IQGAP2: variants seen among roughly 807,000 people sequenced by gnomAD.
The protein encoded by IQGAP2 is IQ motif containing GTPase activating protein 2.
In IQGAP2, 173 loss-of-function variants were observed where a neutral mutation model predicts 201.3. That is an observed-to-expected ratio of 0.86 (90% CI 0.76 to 0.98). IQGAP2 has a LOEUF of 0.98. IQGAP2 is among the 50% of genes least tolerant of loss of function. The pLI is 0.00. For missense variants in IQGAP2, 1,687 were observed against 1,864.8 expected (o/e 0.90, Z 1.76); for synonymous variants, 675 against 673.9 (o/e 1.00, Z -0.03).
At chr5:76,521,526 T>C (rs914334886) in intron 2 of IQGAP2, among the ~76,000 whole-genome samples, 6 of 152,358 alleles carry the variant, frequency 3.9e-5, no homozygotes, top group Non-Finnish European at 7.3e-5. Flanking sequence ...TTTTGGAAAA[T>C]GACTCACTTT....
At position 76,659,343 on chromosome 5, in the gene IQGAP2, A is replaced by C. The variant is rs150333793; in HGVS notation, c.2529+676A>C. On this transcript the variant is annotated intron_variant, in intron 21 of 35. Coordinates refer to ENST00000274364, the MANE Select transcript of IQGAP2 (RefSeq NM_006633.5). ...TAAAAGCACACATTTTATTGAGAAA[A>C]TGTATATGCCTGATGACACTGGAAG... 8.3e-4 allele frequency among the ~76,000 whole-genome samples: 126 copies of C among 152,328 alleles called. 1 individual carries two copies. The East Asian group carries it at 0.022, about 27-fold the overall frequency.
intron 2 of IQGAP2, among the ~76,000 whole-genome samples, chr5:76,536,315 C>T (rs1759619316): frequency 6.6e-6 from 1 of 150,954 alleles, no homozygotes; most frequent in African/African-American, 2.4e-5. Context: ...AGGTGATCCA[C>T]CCACCTCAGC....
chr5:76,647,885 G>A (rs1402540531), intron 17 of IQGAP2, among the ~76,000 whole-genome samples: 5 of 151,614 alleles, frequency 3.3e-5, no homozygotes, highest in Non-Finnish European at 7.4e-5. Flanking sequence ...CACCTAGGCA[G>A]CAAAGCCTGA....
chr5:76,427,486 C>T (rs542357706), intron 1 of IQGAP2, among the ~76,000 whole-genome samples: 18 of 152,242 alleles, frequency 1.2e-4, no homozygotes, highest in Admixed American at 1.0e-3. Context: ...GTCTTTCTGC[C>T]GGGAATAGGA....
At chr5:76,505,647 A>G (rs1757572383) in intron 2 of IQGAP2, among the ~76,000 whole-genome samples, 1 of 152,166 alleles carries the variant, frequency 6.6e-6, no homozygotes, top group African/African-American at 2.4e-5. Flanking sequence ...GTAACATTCC[A>G]AGTCCACTTT....
chr5:76,433,754 A>G (rs1350951388), intron 1 of IQGAP2, among the ~76,000 whole-genome samples: 1 of 152,228 alleles, frequency 6.6e-6, no homozygotes, highest in Non-Finnish European at 1.5e-5. Context: ...GTTGAGGCGT[A>G]GAGATCGGTG....
chr5:76,609,992 C>G (rs1748146718), intron 12 of IQGAP2, among the ~76,000 whole-genome samples: 1 of 139,838 alleles, frequency 7.2e-6, no homozygotes, highest in African/African-American at 2.7e-5. Flanking sequence ...AAGCAGGTTT[C>G]ATAGTTTGAC....
At chr5:76,487,172 C>T (rs974575775) in intron 2 of IQGAP2, among the ~76,000 whole-genome samples, 18 of 150,548 alleles carry the variant, frequency 1.2e-4, no homozygotes, top group African/African-American at 3.7e-4. Flanking sequence ...AATCTCAGCT[C>T]GCTGCAACCT....
intron 1 of IQGAP2, among the ~76,000 whole-genome samples, chr5:76,431,118 C>T (rs1283797074): frequency 6.6e-6 from 1 of 151,908 alleles, no homozygotes; most frequent in African/African-American, 2.4e-5. Context: ...TTAAAAATTG[C>T]ATTAAATTGT....
chr5:76,435,310 C>T (rs975955645), intron 1 of IQGAP2, among the ~76,000 whole-genome samples: 1 of 152,010 alleles, frequency 6.6e-6, no homozygotes, highest in Non-Finnish European at 1.5e-5. Flanking sequence ...TGGGTTTTCT[C>T]CTATAATTTT....
intron 2 of IQGAP2, among the ~76,000 whole-genome samples, chr5:76,511,589 C>G (rs889983917): frequency 2.0e-5 from 3 of 152,080 alleles, no homozygotes; most frequent in Admixed American, 6.5e-5. Context: ...TCTACTGAGA[C>G]TGGCACACTG....
intron 2 of IQGAP2, among the ~76,000 whole-genome samples, chr5:76,496,783 T>TTC (rs1211240143): frequency 1.6e-5 from 2 of 128,022 alleles, no homozygotes; most frequent in African/African-American, 7.1e-5. Context: ...CTTTCTTTCT[T>TTC]TCTTTCTTTC....
intron 11 of IQGAP2, among the ~76,000 whole-genome samples, chr5:76,602,821 G>T (rs1031064391): frequency 6.6e-6 from 1 of 152,126 alleles, no homozygotes; most frequent in Non-Finnish European, 1.5e-5. Flanking sequence ...TAGAGTGCAG[G>T]TTCTTCATAG....
rs575539198 is a variant in IQGAP2, at chr5:76,687,913, T to C, written c.3905+3996T>C. ...AAGTGCACAATAAATGTAACGCACTTGAATCATCTTCCCGAAACCATCCCC... is the reference window on the plus strand; with the variant it reads ...AAGTGCACAATAAATGTAACGCACTCGAATCATCTTCCCGAAACCATCCCC... On this transcript the variant is annotated intron_variant, in intron 30 of 35. Coordinates refer to ENST00000274364, the MANE Select transcript of IQGAP2 (RefSeq NM_006633.5). Among the ~76,000 whole-genome samples, 4 of 152,296 alleles carry C rather than the reference T, an allele frequency of 2.6e-5. No individual in the cohort carries two copies. In the South Asian group the frequency reaches 8.3e-4, roughly 32 times the overall value.
chr5:76,620,926 T>G, intron 13 of IQGAP2, among the ~76,000 whole-genome samples: 1 of 152,228 alleles, frequency 6.6e-6, no homozygotes, highest in Non-Finnish European at 1.5e-5. Flanking sequence ...AAACAAAATC[T>G]TAAAGCTCAA....
intron 11 of IQGAP2, among the ~76,000 whole-genome samples, chr5:76,605,183 G>A (rs2150329637): frequency 6.6e-6 from 1 of 152,268 alleles, no homozygotes; most frequent in South Asian, 2.1e-4. Context: ...TGGGAAAATT[G>A]ATAATTGAGA....
At chr5:76,615,234 C>T (rs1028460097) in intron 13 of IQGAP2, among the ~76,000 whole-genome samples, 4 of 152,120 alleles carry the variant, frequency 2.6e-5, no homozygotes, top group Admixed American at 1.3e-4. Context: ...GTGCTTTTAA[C>T]GAATATTGCT....
chr5:76,682,402 A>G (rs1283809907), intron 28 of IQGAP2, among the ~76,000 whole-genome samples: 1 of 152,112 alleles, frequency 6.6e-6, no homozygotes, highest in East Asian at 1.9e-4. Flanking sequence ...GCAAAAACAG[A>G]TGTGTCGCTG....
At position 76,504,614 on chromosome 5, in the gene IQGAP2, A is replaced by C. The variant is rs999245988; in HGVS notation, c.146+42945A>C. 3.9e-5 allele frequency among the ~76,000 whole-genome samples: 6 copies of C among 152,170 alleles called. No homozygotes were observed. In the East Asian group the frequency reaches 1.2e-3, roughly 29 times the overall value. The stretch of plus-strand genomic sequence containing the variant: ...GATTGCAAACTCAACATTCTCCGCC[A>C]CTGTGTACTATTTCAAACTTTAAAT... On this transcript the variant is annotated intron_variant, in intron 2 of 35. Transcript: ENST00000274364.
Sources: allele counts gnomAD v4.1 joint callset (sites outside exome capture counted in the v4.1 genomes callset), GRCh38; gene constraint gnomAD v4.1.1; transcripts MANE v1.5; gene names NCBI Gene and HGNC (gene_info 2026-07-23, HGNC 2026-07-21).